Variants in TRPM3 observed in about 807,000 individuals in gnomAD.
The protein encoded by TRPM3 is transient receptor potential cation channel subfamily M member 3.
Under a neutral mutation model 181.2 loss-of-function variants are expected in TRPM3, and 77 were observed. The observed-to-expected ratio is 0.42, with a 90% CI of 0.35 to 0.51. TRPM3 has a LOEUF of 0.51. TRPM3 is among the 20% of genes least tolerant of loss of function. The pLI is 0.01. For synonymous variants in TRPM3, 745 were observed against 796.4 expected, an observed-to-expected ratio of 0.94 and a Z score of 1.09; for missense variants, 1,759 against 2,196.7, an observed-to-expected ratio of 0.80 and a Z score of 3.98.
At chr9:70,854,287 T>C (rs974357739) in intron 3 of TRPM3, among the ~76,000 whole-genome samples, 2 of 152,200 alleles carry the variant, frequency 1.3e-5, no homozygotes, top group Admixed American at 6.5e-5. Context: ...TACAGATATT[T>C]CAGACATAAG....
At chr9:71,226,270 A>C (rs2080643478) in intron 1 of TRPM3, among the ~76,000 whole-genome samples, 1 of 152,138 alleles carries the variant, frequency 6.6e-6, no homozygotes, top group Admixed American at 6.5e-5. Flanking sequence ...GGAAAAAAGA[A>C]GAAAGAGAAG....
chr9:70,917,137 G>A (rs2096604751), intron 1 of TRPM3: 11 of 1,605,506 alleles, frequency 6.9e-6, no homozygotes, highest in African/African-American at 1.3e-5. Flanking sequence ...GGATGAGTTC[G>A]GCCACATCTG....
At chr9:71,128,420 G>T (rs2074180467) in intron 1 of TRPM3, among the ~76,000 whole-genome samples, 1 of 152,158 alleles carries the variant, frequency 6.6e-6, no homozygotes, top group African/African-American at 2.4e-5. Flanking sequence ...TCACAAAGGG[G>T]ATGGGGTTTT....
intron 8 of TRPM3, among the ~76,000 whole-genome samples, chr9:70,757,172 T>C (rs2077234104): frequency 1.3e-5 from 2 of 152,056 alleles, no homozygotes; most frequent in African/African-American, 4.8e-5. Flanking sequence ...ATCCCACAGA[T>C]GTACAAACTA....
intron 1 of TRPM3, among the ~76,000 whole-genome samples, chr9:71,340,726 T>C (rs2090904665): frequency 6.6e-6 from 1 of 152,100 alleles, no homozygotes; most frequent in Non-Finnish European, 1.5e-5. Context: ...ATTTCTTAGC[T>C]CTATCTATTG....
Position 70,553,279 on chromosome 9 carries a change from ATCC to A in TRPM3, c.3252_3254del (p.Glu1084del). On this transcript the variant is annotated inframe_deletion, in exon 23 of 26. Coordinates refer to ENST00000677713, the MANE Select transcript of TRPM3 (RefSeq NM_001366145.2). ...AGGGAGGCAGCTGGATTATTTTACCATCCTCTCGGGTCTCATTCTGTCCACAGG... is the reference window on the plus strand; with the variant it reads ...AGGGAGGCAGCTGGATTATTTTACCATCTCGGGTCTCATTCTGTCCACAGG... 1 of 1,614,088 alleles carries A rather than the reference ATCC, an allele frequency of 6.2e-7. No individual in the cohort carries two copies. The highest frequency in any genetic ancestry group is 1.1e-5 in the South Asian group (1 of 91,080).
intron 1 of TRPM3, among the ~76,000 whole-genome samples, chr9:71,099,453 T>G (rs904070856): frequency 2.6e-5 from 4 of 152,180 alleles, no homozygotes; most frequent in African/African-American, 9.6e-5. Flanking sequence ...GAAAAAGAGC[T>G]CTCTCACGTC....
intron 5 of TRPM3, among the ~76,000 whole-genome samples, chr9:70,838,869 A>G (rs957131572): frequency 3.9e-5 from 6 of 152,164 alleles, no homozygotes; most frequent in Non-Finnish European, 5.9e-5. Context: ...GCTTGGTTAA[A>G]CAGAGTGGAC....
intron 1 of TRPM3, among the ~76,000 whole-genome samples, chr9:71,410,360 G>C (rs2093522403): frequency 6.6e-6 from 1 of 152,048 alleles, no homozygotes; most frequent in African/African-American, 2.4e-5. Flanking sequence ...TAGACTGCTA[G>C]CAAGACTAGT....
chr9:70,790,240 A>C (rs910797588), intron 6 of TRPM3, among the ~76,000 whole-genome samples: 1 of 152,202 alleles, frequency 6.6e-6, no homozygotes, highest in Non-Finnish European at 1.5e-5. Flanking sequence ...TTACATGGAG[A>C]TAGAGCATAG....
intron 1 of TRPM3, among the ~76,000 whole-genome samples, chr9:71,074,032 A>G (rs1327155537): frequency 6.6e-6 from 1 of 152,216 alleles, no homozygotes; most frequent in African/African-American, 2.4e-5. Flanking sequence ...TTCAGTCATA[A>G]TAAGTAACTT....
intron 9 of TRPM3, among the ~76,000 whole-genome samples, chr9:70,675,651 T>C (rs2063847383): frequency 6.6e-6 from 1 of 152,212 alleles, no homozygotes. Context: ...CTTGCTTAAA[T>C]ACCCCAGTGA....
At chr9:70,884,017 T>C (rs2096044938) in intron 1 of TRPM3, among the ~76,000 whole-genome samples, 1 of 152,262 alleles carries the variant, frequency 6.6e-6, no homozygotes, top group East Asian at 1.9e-4. Context: ...AGCTCCGACA[T>C]GTGTGGGTCT....
rs139402849 is a variant in TRPM3 at position 70,614,923 on chromosome 9, G to A, written c.2526+985C>T. Among the ~76,000 whole-genome samples the A allele has an allele frequency of 1.9e-3, 296 of 152,290 alleles. 1 individual carries two copies. Among genetic ancestry groups the A allele is most frequent in the African/African-American group, 6.3e-3 (261 of 41,564 alleles). On this transcript the variant is annotated intron_variant, in intron 18 of 25. Transcript: ENST00000677713. ...CAGTCGTCTGTTACAGAGCTGAGCC[G>A]ACTCCTCCACAGATTTTTATACAAA...
chr9:71,420,999 AAG>A (rs749574468), intron 1 of TRPM3, among the ~76,000 whole-genome samples: 24 of 111,120 alleles, frequency 2.2e-4, no homozygotes, highest in Middle Eastern at 4.6e-3. Flanking sequence ...GAGAGAGAAA[AAG>A]AGAGAAAAAG....
chr9:70,608,835 G>T (rs1378970064), intron 19 of TRPM3, among the ~76,000 whole-genome samples: 1 of 152,136 alleles, frequency 6.6e-6, no homozygotes, highest in Non-Finnish European at 1.5e-5. Context: ...GTAAGAGTTT[G>T]TCTCCTAAAT....
intron 6 of TRPM3, among the ~76,000 whole-genome samples, chr9:70,787,337 T>C (rs1451626991): frequency 6.6e-6 from 1 of 152,182 alleles, no homozygotes. Context: ...ACATTGAATA[T>C]ATCTATGCTT....
intron 1 of TRPM3, among the ~76,000 whole-genome samples, chr9:71,279,064 A>C (rs912640707): frequency 6.8e-6 from 1 of 147,592 alleles, no homozygotes; most frequent in African/African-American, 2.5e-5. Context: ...AATAAAAATA[A>C]AAAAACCACC....
At chr9:70,762,281 T>A (rs929545786) in intron 7 of TRPM3, among the ~76,000 whole-genome samples, 2 of 152,234 alleles carry the variant, frequency 1.3e-5, no homozygotes, top group African/African-American at 4.8e-5. Flanking sequence ...TATTCATTAT[T>A]TACGTCAAGC....
Sources: gnomAD v4.1 joint callset for allele counts (sites outside exome capture counted in the v4.1 genomes callset) on GRCh38, gnomAD v4.1.1 for gene constraint, MANE v1.5 for transcripts, NCBI Gene and HGNC (gene_info 2026-07-23, HGNC 2026-07-21) for gene names.